The following ZNF337 variants were observed in gnomAD, a reference collection of about 807,000 sequenced individuals.
ZNF337 encodes the protein zinc finger protein 337.
ZNF337 carries 8 observed loss-of-function variants against 12.1 expected under a neutral mutation model. That is an observed-to-expected ratio of 0.66 (90% CI 0.39 to 1.19). The LOEUF is 1.19. Ranked by LOEUF, ZNF337 falls within the 50% of genes most tolerant of loss-of-function variation. The pLI, the probability that ZNF337 is intolerant of heterozygous loss-of-function variation, is 0.01. For missense variants in ZNF337, 882 were observed against 896.6 expected, an observed-to-expected ratio of 0.98 and a Z score of 0.21; for synonymous variants, 336 against 320.0, an observed-to-expected ratio of 1.05 and a Z score of -0.53.
intron 4 of ZNF337, among the ~76,000 whole-genome samples, chr20:25,681,963 G>A (rs895030545): frequency 2.0e-5 from 3 of 152,108 alleles, no homozygotes; most frequent in Admixed American, 6.6e-5. Flanking sequence ...TAAAGAATAC[G>A]GAGCACAAAG....
Position 25,676,811 on chromosome 20 carries a change from C to T in ZNF337, c.477G>A (p.Arg159=), listed in dbSNP as rs767079901. 6.2e-7 allele frequency: 1 copy of T among 1,614,100 alleles called. No individual in the cohort carries two copies. The highest frequency in any genetic ancestry group is 2.2e-5 in the East Asian group (1 of 44,888). The change falls in exon 5 of 5, where the codon AGG becomes AGA. Residue 159 remains arginine (R), a synonymous_variant. Coordinates refer to ENST00000252979, the MANE Select transcript of ZNF337 (RefSeq NM_015655.4). ...CTTTGTCTATTTCTGTAGGATTTTC[C>T]CTCTGGCCTTGACTAGACTCTATTT... ...VVEIESSQGQ[R]ENPTEIDKVL...
intron 4 of ZNF337, chr20:25,677,746 T>A (rs2065721129): frequency 6.6e-6 from 1 of 152,218 alleles, no homozygotes; most frequent in South Asian, 2.1e-4. Flanking sequence ...GAGATGGGAT[T>A]TCGCCATGTT....
chr20:25,690,165 A>C (rs1201354750), intron 1 of ZNF337, among the ~76,000 whole-genome samples: 1 of 152,168 alleles, frequency 6.6e-6, no homozygotes, highest in Non-Finnish European at 1.5e-5. Flanking sequence ...ACGTGCCTGT[A>C]GTCCTAGCTA....
rs372054198 is a variant in ZNF337 at position 25,683,781 on chromosome 20, G to A, written c.250+1786C>T. Among the ~76,000 whole-genome samples, 90 of 152,240 alleles carry A rather than the reference G, an allele frequency of 5.9e-4. No homozygotes were observed. In the South Asian group the frequency reaches 0.017, roughly 28 times the overall value. On this transcript the variant is annotated intron_variant, in intron 4 of 4. Transcript: ENST00000252979. ...GACTGTAAACTAGTTCAACCATTGTGGAAGTCAGTGTGGCGATTCCTCAGG... is the reference window on the plus strand; with the variant it reads ...GACTGTAAACTAGTTCAACCATTGTAGAAGTCAGTGTGGCGATTCCTCAGG...
rs552073370 is a variant in ZNF337, at chr20:25,696,564, C to A, written c.-50+195G>T. On this transcript the variant is annotated intron_variant, in intron 1 of 4. Transcript: ENST00000252979. ...AGTGGCGGCCCAGACCCGGGGCGCT[C>A]GGCAAGCCGCAGCCCCACCGCCCAC... 7.1e-3 allele frequency among the ~76,000 whole-genome samples: 1,078 copies of A among 152,320 alleles called. 7 individuals carry two copies. Among genetic ancestry groups the A allele is most frequent in the African/African-American group, 0.024 (1,013 of 41,574 alleles).
At chr20:25,677,343 C>G in intron 4 of ZNF337, 1 of 275,192 alleles carries the variant, frequency 3.6e-6, no homozygotes. Flanking sequence ...ACTAGCAAAA[C>G]CAATGCAACA....
At chr20:25,685,744 A>G in intron 3 of ZNF337, 82 bp from the exon 4 acceptor site, 1 of 1,320,778 alleles carries the variant, frequency 7.6e-7, no homozygotes, top group East Asian at 2.3e-5. Flanking sequence ...CAGGGCAGGA[A>G]GGGAGGGAGA....
At chr20:25,690,515 A>T (rs900928816) in intron 1 of ZNF337, among the ~76,000 whole-genome samples, 3 of 152,294 alleles carry the variant, frequency 2.0e-5, no homozygotes, top group South Asian at 4.1e-4. Context: ...CCTTTCTTAC[A>T]AGGTTCTAAG....
At chr20:25,682,000 C>G (rs1043516147) in intron 4 of ZNF337, among the ~76,000 whole-genome samples, 5 of 152,038 alleles carry the variant, frequency 3.3e-5, no homozygotes, top group African/African-American at 9.7e-5. Context: ...GGTGGCAGAT[C>G]GACAGGTGTT....
chr20:25,686,834 G>C (rs1227452569), intron 1 of ZNF337: 1 of 205,832 alleles, frequency 4.9e-6, no homozygotes, highest in African/African-American at 2.3e-5. Context: ...GTCTCCCCGG[G>C]TTTGAAGTCA....
At chr20:25,686,625 T>G (rs2065836359) in intron 1 of ZNF337, 159 bp from the exon 2 acceptor site, 1 of 580,984 alleles carries the variant, frequency 1.7e-6, no homozygotes, top group Non-Finnish European at 3.0e-6. Context: ...CCAGGCTCCC[T>G]GCAAATCCAG....
At position 25,678,488 on chromosome 20, in the gene ZNF337, AT is replaced by A. The variant is rs554772009; in HGVS notation, c.251-1452del. Among the ~76,000 whole-genome samples the A allele has an allele frequency of 1.5e-3, 234 of 152,302 alleles. 1 individual carries two copies. Among genetic ancestry groups the A allele is most frequent in the African/African-American group, 5.5e-3 (229 of 41,566 alleles). On this transcript the variant is annotated intron_variant, in intron 4 of 4. Coordinates refer to ENST00000252979, the MANE Select transcript of ZNF337 (RefSeq NM_015655.4). Reference sequence around the variant, plus strand: ...CAATACCTATTAAAATACCAGTGATATTCTTTATAAAAATAGACAAAATACT... The same window carrying A: ...CAATACCTATTAAAATACCAGTGATATCTTTATAAAAATAGACAAAATACT...
chr20:25,675,132 C>T lies in ZNF337; in HGVS notation c.2156G>A (p.Gly719Glu). 6.2e-7 allele frequency: 1 copy of T among 1,614,208 alleles called. No individual in the cohort carries two copies. Among genetic ancestry groups the T allele is most frequent in the Non-Finnish European group, 8.5e-7 (1 of 1,180,042 alleles). The change falls in exon 5 of 5, where the codon GGA becomes GAA. Residue 719 changes from glycine to glutamate, a missense_variant. Gly to Glu is a moderately conservative substitution (Grantham distance 98). Coordinates refer to ENST00000252979, the MANE Select transcript of ZNF337 (RefSeq NM_015655.4). ...GTATGACTTATTGCTAAACTTTCGT[C>T]CACACTCTTGGCATTCATAAGGCCT... ...GERPYECQEC[G>E]RKFSNKSYYS...
chr20:25,685,967 A>T (rs1306366009), intron 3 of ZNF337, 29 bp downstream of exon 3: 1 of 1,595,188 alleles, frequency 6.3e-7, no homozygotes, highest in Non-Finnish European at 8.5e-7. Flanking sequence ...CACAGGCCAA[A>T]TGTTAGGCTC....
intron 4 of ZNF337, among the ~76,000 whole-genome samples, chr20:25,679,475 C>A (rs1228505794): frequency 1.3e-5 from 2 of 151,910 alleles, no homozygotes; most frequent in African/African-American, 2.4e-5. Context: ...AAAACAACAA[C>A]AAAAAATCCA....
In ZNF337 at chr20:25,677,050, C is replaced by G. The variant is rs1427204442; in HGVS notation, c.251-13G>C. ...TCTGCATATATTCCTGGAGAATAGACCAACAATGAGACTGAATCAGTAACG... is the reference window on the plus strand; with the variant it reads ...TCTGCATATATTCCTGGAGAATAGAGCAACAATGAGACTGAATCAGTAACG... On this transcript the variant is annotated splice_polypyrimidine_tract_variant and intron_variant, in intron 4 of 4. Transcript: ENST00000252979. 3 of 1,567,340 alleles carry G rather than the reference C, an allele frequency of 1.9e-6. No individual in the cohort carries two copies. The highest frequency in any genetic ancestry group is 2.6e-6 in the Non-Finnish European group (3 of 1,158,602).
At chr20:25,692,300 A>G (rs1048530312) in intron 1 of ZNF337, among the ~76,000 whole-genome samples, 1 of 152,202 alleles carries the variant, frequency 6.6e-6, no homozygotes, top group African/African-American at 2.4e-5. Flanking sequence ...ATACATTGCT[A>G]ATTTTGTTGA....
intron 4 of ZNF337, among the ~76,000 whole-genome samples, chr20:25,682,165 C>T (rs2065776085): frequency 6.6e-6 from 1 of 151,812 alleles, no homozygotes; most frequent in Non-Finnish European, 1.5e-5. Flanking sequence ...GGGTTACAGT[C>T]ACCAAAAAAA....
At chr20:25,686,518 G>C (rs561427628) in intron 1 of ZNF337, 52 bp from the exon 2 acceptor site, 9 of 1,369,782 alleles carry the variant, frequency 6.6e-6, no homozygotes, top group Non-Finnish European at 9.2e-6. Context: ...CCCTCCCCAT[G>C]TGTGACAGTT....
Sources: allele counts gnomAD v4.1 joint callset (sites outside exome capture counted in the v4.1 genomes callset), GRCh38; gene constraint gnomAD v4.1.1; transcripts MANE v1.5; gene names NCBI Gene and HGNC (gene_info 2026-07-23, HGNC 2026-07-21).